The following PTGR2 variants were observed in gnomAD, a reference collection of about 807,000 sequenced individuals.
The protein encoded by PTGR2 is 15-oxoprostaglandin 13-reductase.
In PTGR2, 32 loss-of-function variants were observed where a neutral mutation model predicts 43.4. The observed-to-expected ratio is 0.74, with a 90% CI of 0.56 to 0.99. The LOEUF is 0.99. PTGR2 is among the 50% of genes least tolerant of loss of function. The pLI is 0.00. For missense variants in PTGR2, 373 were observed against 420.0 expected (o/e 0.89, Z 0.98); for synonymous variants, 106 against 139.2 (o/e 0.76, Z 1.68).
intron 2 of PTGR2, among the ~76,000 whole-genome samples, chr14:73,859,694 A>G (rs1443649007): frequency 6.6e-6 from 1 of 150,764 alleles, no homozygotes; most frequent in Non-Finnish European, 1.5e-5. Context: ...TATTACTTTT[A>G]TATTCATTTA....
chr14:73,878,348 T>C (rs1318112162), intron 5 of PTGR2: 1 of 152,158 alleles, frequency 6.6e-6, no homozygotes, highest in Non-Finnish European at 1.5e-5. Flanking sequence ...AATTTTATTT[T>C]TTTAAATTTA....
intron 9 of PTGR2, among the ~76,000 whole-genome samples, chr14:73,883,185 TC>T (rs1297893164): frequency 2.3e-5 from 2 of 88,888 alleles, no homozygotes; most frequent in African/African-American, 9.2e-5. Flanking sequence ...TCCCCTCACC[TC>T]CCTTTTTTTT....
intron 2 of PTGR2, 91 bp from the exon 3 acceptor site, chr14:73,860,448 T>C (rs2140238956): frequency 6.6e-6 from 4 of 610,616 alleles, no homozygotes; most frequent in Admixed American, 3.1e-5. Flanking sequence ...GCCTGGGTGA[T>C]AGAGCAAGAC....
In PTGR2 at chr14:73,876,483, C is replaced by CTTTTTTTTTT. The variant is rs766810794; in HGVS notation, c.349-508_349-499dup. On this transcript the variant is annotated intron_variant, in intron 4 of 9. Transcript: ENST00000555661. Reference sequence around the variant, plus strand: ...TCTTCTTCTTCTAAGGACATAAGTCCTTTTTTTTTTTTTTTTGAGATGAAG... The same window carrying CTTTTTTTTTT: ...TCTTCTTCTTCTAAGGACATAAGTCCTTTTTTTTTTTTTTTTTTTTTTTTTTGAGATGAAG... Among the ~76,000 whole-genome samples the CTTTTTTTTTT allele has an allele frequency of 3.9e-3, 427 of 108,482 alleles. 13 individuals are homozygous for CTTTTTTTTTT. The highest frequency in any genetic ancestry group is 6.0e-3 in the Middle Eastern group (1 of 168). 71.2% of individuals were successfully genotyped at this position (108,482 alleles called of 152,430 possible).
intron 3 of PTGR2, among the ~76,000 whole-genome samples, 188 bp downstream of exon 3, chr14:73,860,845 G>C (rs913677264): frequency 6.6e-6 from 1 of 152,014 alleles, no homozygotes; most frequent in African/African-American, 2.4e-5. Context: ...GTTGTAGAGG[G>C]AACAGATAAT....
chr14:73,869,373 A>C (rs2054672179), intron 3 of PTGR2, among the ~76,000 whole-genome samples: 1 of 151,292 alleles, frequency 6.6e-6, no homozygotes, highest in Non-Finnish European at 1.5e-5. Flanking sequence ...ATCAATACCA[A>C]AAAAAGGAAA....
At position 73,879,312 on chromosome 14, in the gene PTGR2, T is replaced by G. The variant is rs373410285; in HGVS notation, c.729+7T>G. 23 of 1,611,772 alleles carry G rather than the reference T, an allele frequency of 1.4e-5. No individual in the cohort carries two copies. Among genetic ancestry groups the G allele is most frequent in the Non-Finnish European group, 1.7e-5 (20 of 1,178,216 alleles). ...TGATACAGTGATAAGTCAGGTTGTT[T>G]GCTGATTTCTATAACAAATTTGAAT... On this transcript the variant is annotated splice_region_variant and intron_variant, in intron 6 of 9. Coordinates refer to ENST00000555661, the MANE Select transcript of PTGR2 (RefSeq NM_001146154.2).
chr14:73,883,468 T>C (rs2055051094), intron 9 of PTGR2, among the ~76,000 whole-genome samples: 2 of 149,858 alleles, frequency 1.3e-5, no homozygotes, highest in African/African-American at 4.9e-5. Context: ...TGCTGGAATT[T>C]ACAGGTGTGA....
At chr14:73,857,768 A>G (rs1042432125) in intron 1 of PTGR2, among the ~76,000 whole-genome samples, 1 of 134,468 alleles carries the variant, frequency 7.4e-6, no homozygotes, top group African/African-American at 2.8e-5. Context: ...TCCCGGGTCC[A>G]CGCCATTCTC....
chr14:73,877,091 G>C lies in PTGR2; in HGVS notation c.442G>C (p.Gly148Arg), dbSNP rs1440907933. The C allele has an allele frequency of 6.2e-7, 1 of 1,613,994 alleles. No homozygotes were observed. The highest frequency in any genetic ancestry group is 8.5e-7 in the Non-Finnish European group (1 of 1,179,936). ...TTCCTTGATTGGGATACAGGAAAAA[G>C]GTCATATAACTGCTGGATCTAATAA... ...LTSLIGIQEK[G>R]HITAGSNKTM... The change falls in exon 5 of 10, where the codon GGT (glycine) becomes CGT (arginine). Residue 148 changes from glycine (G) to arginine (R), a missense_variant. Coordinates refer to ENST00000555661, the MANE Select transcript of PTGR2 (RefSeq NM_001146154.2).
In PTGR2 at chr14:73,877,442, TTTAG is replaced by T. The variant is rs1257338586; in HGVS notation, c.519+276_519+279del. 3 of 213,302 alleles carry T rather than the reference TTTAG, an allele frequency of 1.4e-5. No homozygotes were observed. In the South Asian group the frequency reaches 3.5e-4, roughly 25 times the overall value. 13.2% of individuals were successfully genotyped at this position (213,302 alleles called of 1,614,324 possible). A position where few individuals can be genotyped will look rare whatever the true frequency, so the allele number is the denominator to read the frequency against. ...ACCACACCTGGCTAATTTTTGTATT[TTTAG>T]TAGAGATGGGGTTTTGCCATGTTGG... On this transcript the variant is annotated intron_variant, in intron 5 of 9. Coordinates refer to ENST00000555661, the MANE Select transcript of PTGR2 (RefSeq NM_001146154.2).
chr14:73,862,135 T>C (rs913210752), intron 3 of PTGR2, among the ~76,000 whole-genome samples: 5 of 151,924 alleles, frequency 3.3e-5, no homozygotes, highest in Non-Finnish European at 7.4e-5. Context: ...AGAGGCTGAT[T>C]ATCTTTTTCA....
intron 1 of PTGR2, among the ~76,000 whole-genome samples, chr14:73,857,615 C>G (rs372783820): frequency 2.8e-5 from 3 of 108,404 alleles, no homozygotes; most frequent in African/African-American, 6.6e-5. Context: ...TTCTGTCCCC[C>G]ACTCCAAAAA....
rs374707799 is a variant in PTGR2 at position 73,881,270 on chromosome 14, G to C, written c.917G>C (p.Trp306Ser). 4 of 1,604,264 alleles carry C rather than the reference G, an allele frequency of 2.5e-6. No individual in the cohort carries two copies. In the African/African-American group the frequency reaches 5.4e-5, roughly 21 times the overall value. Residue 306 changes from tryptophan (W) to serine (S), a missense_variant, in exon 8 of 10, where the codon TGG becomes TCG. By Grantham distance (177) the Trp-to-Ser change is radical. Coordinates refer to ENST00000555661, the MANE Select transcript of PTGR2 (RefSeq NM_001146154.2). ...CCTGGCATTCTACAGCTGAGTCAGT[G>C]GTTTAAAGAAGGAAAGCTAAAGGTA... ...FEPGILQLSQ[W>S]FKEGKLKIKE...
chr14:73,883,120 A>C (rs2140280073), intron 9 of PTGR2, among the ~76,000 whole-genome samples: 1 of 140,568 alleles, frequency 7.1e-6, no homozygotes, highest in African/African-American at 2.6e-5. Flanking sequence ...CGCACAGGCC[A>C]AAGTCTTTTA....
intron 3 of PTGR2, among the ~76,000 whole-genome samples, chr14:73,864,502 T>G (rs1013918330): frequency 2.6e-5 from 4 of 152,250 alleles, no homozygotes; most frequent in Non-Finnish European, 4.4e-5. Context: ...TGTAAAGTGA[T>G]ATCTCCTTGT....
chr14:73,874,353 C>A (rs2054807012), intron 4 of PTGR2, 139 bp downstream of exon 4: 1 of 675,416 alleles, frequency 1.5e-6, no homozygotes, highest in Non-Finnish European at 2.5e-6. Flanking sequence ...ATGTGGAAAG[C>A]CTTTGTTCCT....
chr14:73,880,758 C>T (rs554176632), intron 7 of PTGR2, among the ~76,000 whole-genome samples: 2 of 152,016 alleles, frequency 1.3e-5, no homozygotes, highest in Admixed American at 6.6e-5. Flanking sequence ...GAAAAATTCA[C>T]GGTGCTATTA....
In PTGR2 at chr14:73,858,800, A is replaced by T. The variant is rs959842971; in HGVS notation, c.-47-16A>T. The T allele has an allele frequency of 4.8e-5, 64 of 1,328,618 alleles. No individual in the cohort carries two copies. Among genetic ancestry groups the T allele is most frequent in the South Asian group, 1.2e-4 (9 of 73,706 alleles). The allele number at this position is 1,328,618 out of a possible 1,614,324, so 82.3% of individuals were successfully genotyped here. On this transcript the variant is annotated splice_polypyrimidine_tract_variant and intron_variant, in intron 1 of 9. Transcript: ENST00000555661. The stretch of plus-strand genomic sequence containing the variant: ...ATACTTCAAATCTTGTGATTTAAAA[A>T]TTTTTTTATTTATAGGAGTATTTTA...
Sources: gnomAD v4.1 joint callset for allele counts (sites outside exome capture counted in the v4.1 genomes callset) on GRCh38, gnomAD v4.1.1 for gene constraint, MANE v1.5 for transcripts, NCBI Gene and HGNC (gene_info 2026-07-23, HGNC 2026-07-21) for gene names.